Variants in HHIP observed in about 807,000 individuals in gnomAD.
HHIP encodes the protein hedgehog-interacting protein.
In HHIP, 12 loss-of-function variants were observed where a neutral mutation model predicts 74.0. The ratio of observed to expected loss-of-function variants is 0.16; its 90% CI spans 0.10 to 0.26. The LOEUF is 0.26. Among genes scored for constraint, HHIP ranks in the 10% least tolerant of loss-of-function variants. HHIP has a pLI of 1.00. For synonymous variants in HHIP, 309 were observed against 311.6 expected (o/e 0.99, Z 0.09); for missense variants, 788 against 845.0 (o/e 0.93, Z 0.84).
rs1271958621 is a variant in HHIP at position 144,740,215 on chromosome 4, A to T, written c.*2258A>T. The T allele has an allele frequency of 6.6e-6, 1 of 152,214 alleles. No individual in the cohort carries two copies. The highest frequency in any genetic ancestry group is 1.5e-5 in the Non-Finnish European group (1 of 68,038). The allele number at this position is 152,214 out of a possible 1,614,324, so 9.4% of individuals were successfully genotyped here. A position where few individuals can be genotyped will look rare whatever the true frequency, so the allele number is the denominator to read the frequency against. On this transcript the variant is annotated 3_prime_UTR_variant, in exon 13 of 13. Coordinates refer to ENST00000296575, the MANE Select transcript of HHIP (RefSeq NM_022475.3). The stretch of plus-strand genomic sequence containing the variant: ...GTAAAATCTAAAAAAATCAAGCATT[A>T]CTTCTTACATCTTTAAACTTTCCAT...
chr4:144,665,307 A>G (rs982903), intron 4 of HHIP, among the ~76,000 whole-genome samples: 66,530 of 152,002 alleles, frequency 0.44, 14,978 homozygotes, highest in South Asian at 0.56. Flanking sequence ...GGACTCAAGC[A>G]ATGCACCTGC....
chr4:144,724,854 T>C (rs1288545737), intron 11 of HHIP, among the ~76,000 whole-genome samples: 5 of 151,870 alleles, frequency 3.3e-5, no homozygotes, highest in East Asian at 1.9e-4. Context: ...TCTTTAGTAA[T>C]TGGATAGATT....
At chr4:144,721,174 C>T (rs533125160) in intron 11 of HHIP, among the ~76,000 whole-genome samples, 49 of 152,062 alleles carry the variant, frequency 3.2e-4, no homozygotes, top group African/African-American at 1.2e-3. Flanking sequence ...ATTTGTGGCC[C>T]AAGAAGAGAA....
At chr4:144,698,310 C>A (rs1432786404) in intron 4 of HHIP, among the ~76,000 whole-genome samples, 1 of 152,184 alleles carries the variant, frequency 6.6e-6, no homozygotes, top group Non-Finnish European at 1.5e-5. Context: ...TTTGAGTCAA[C>A]AACGGACCAC....
At chr4:144,677,686 C>T (rs749746128) in intron 4 of HHIP, among the ~76,000 whole-genome samples, 4 of 152,196 alleles carry the variant, frequency 2.6e-5, no homozygotes, top group Non-Finnish European at 5.9e-5. Flanking sequence ...AATAAGACCA[C>T]TCGGAGCCGG....
At chr4:144,693,846 T>C (rs1729743919) in intron 4 of HHIP, among the ~76,000 whole-genome samples, 1 of 151,924 alleles carries the variant, frequency 6.6e-6, no homozygotes, top group African/African-American at 2.4e-5. Context: ...GAAATATATA[T>C]TATTAGTTTT....
At chr4:144,696,054 G>C (rs1729809226) in intron 4 of HHIP, among the ~76,000 whole-genome samples, 1 of 149,730 alleles carries the variant, frequency 6.7e-6, no homozygotes, top group African/African-American at 2.5e-5. Context: ...TTATGTTATA[G>C]AACAACTGAA....
intron 2 of HHIP, 34 bp downstream of exon 2, chr4:144,652,831 A>G (rs1199641528): frequency 1.5e-6 from 2 of 1,345,944 alleles, no homozygotes; most frequent in Non-Finnish European, 2.1e-6. Context: ...AAAATAAACC[A>G]CTGCACAATA....
chr4:144,664,397 A>G (rs1728800837), intron 4 of HHIP, among the ~76,000 whole-genome samples: 1 of 152,194 alleles, frequency 6.6e-6, no homozygotes, highest in African/African-American at 2.4e-5. Flanking sequence ...TCACAAACAT[A>G]ATTATGAGTA....
At chr4:144,691,812 A>G (rs1470348713) in intron 4 of HHIP, among the ~76,000 whole-genome samples, 7 of 152,112 alleles carry the variant, frequency 4.6e-5, no homozygotes, top group African/African-American at 1.7e-4. Flanking sequence ...CTCTAAAGTC[A>G]CTTGTCACAC....
chr4:144,659,875 T>C (rs777089824), intron 4 of HHIP, 37 bp downstream of exon 4: 6 of 1,473,492 alleles, frequency 4.1e-6, no homozygotes, highest in Middle Eastern at 3.4e-4. Context: ...TTGTGCTGGC[T>C]ACGTTAATTT....
intron 4 of HHIP, among the ~76,000 whole-genome samples, chr4:144,700,684 C>T (rs1028327218): frequency 2.0e-5 from 3 of 152,058 alleles, no homozygotes; most frequent in African/African-American, 7.2e-5. Context: ...AGATGGCTTC[C>T]ATAATTGGAA....
Position 144,737,898 on chromosome 4 carries a change from C to A in HHIP, c.2044C>A (p.Leu682Ile), listed in dbSNP as rs753937179. Residue 682 changes from leucine (L) to isoleucine (I), a missense_variant, in exon 13 of 13, where the codon CTT (leucine) becomes ATT (isoleucine). Around this residue, in one of 3 missense-constraint regions of HHIP, gnomAD observed 343 missense variants for 347.9 expected, o/e 0.99. Coordinates refer to ENST00000296575, the MANE Select transcript of HHIP (RefSeq NM_022475.3). ...NIRRVTRAGI[L>I]DQIIDMTSYL... ...CCGCAGAGTGACCAGGGCAGGTATT[C>A]TTGATCAGATCATTGACATGACATC... 2.2e-5 allele frequency: 36 copies of A among 1,613,232 alleles called. No individual in the cohort carries two copies. In the Admixed American group the frequency reaches 5.7e-4, roughly 25 times the overall value.
chr4:144,657,993 T>C (rs1728597966), intron 2 of HHIP, among the ~76,000 whole-genome samples: 1 of 152,234 alleles, frequency 6.6e-6, no homozygotes, highest in Non-Finnish European at 1.5e-5. Flanking sequence ...TTAGATTTAT[T>C]ATTTAATCTT....
rs199626385 is a variant in HHIP at position 144,646,572 on chromosome 4, A to G, written c.-104A>G. On this transcript the variant is annotated 5_prime_UTR_variant, in exon 1 of 13. Transcript: ENST00000296575. Reference sequence around the variant, plus strand: ...CCTCCCTCTGTCTCTGGAGTGCCCTACAGCCCCGCAAACTCCTCCTGGAGC... The same window carrying G: ...CCTCCCTCTGTCTCTGGAGTGCCCTGCAGCCCCGCAAACTCCTCCTGGAGC... 2.6e-5 allele frequency: 31 copies of G among 1,202,844 alleles called. No individual in the cohort carries two copies. The highest frequency in any genetic ancestry group is 3.5e-5 in the Non-Finnish European group (30 of 849,190). The allele number at this position is 1,202,844 out of a possible 1,614,324, so 74.5% of individuals were successfully genotyped here.
At chr4:144,710,259 A>C (rs1013364973) in intron 7 of HHIP, among the ~76,000 whole-genome samples, 1 of 152,208 alleles carries the variant, frequency 6.6e-6, no homozygotes, top group Non-Finnish European at 1.5e-5. Context: ...GTAATAGAGG[A>C]AAATGTTCTC....
Position 144,708,797 on chromosome 4 carries a change from T to C in HHIP, c.1301+486T>C, listed in dbSNP as rs7664306. Among the ~76,000 whole-genome samples the C allele has an allele frequency of 9.5e-3, 1,441 of 152,320 alleles. 19 individuals carry two copies. The highest frequency in any genetic ancestry group is 0.033 in the African/African-American group (1,388 of 41,562). On this transcript the variant is annotated intron_variant, in intron 7 of 12. Coordinates refer to ENST00000296575, the MANE Select transcript of HHIP (RefSeq NM_022475.3). Reference sequence around the variant, plus strand: ...TGACTCCTGGTAGGTTTTAAATGAATTGCAATTCTTGTTATCATAGCTTCA... The same window carrying C: ...TGACTCCTGGTAGGTTTTAAATGAACTGCAATTCTTGTTATCATAGCTTCA...
chr4:144,673,452 A>C (rs1729096031), intron 4 of HHIP, among the ~76,000 whole-genome samples: 1 of 152,228 alleles, frequency 6.6e-6, no homozygotes, highest in African/African-American at 2.4e-5. Context: ...ACTCTACGCC[A>C]GTTGTAATTG....
Position 144,738,118 on chromosome 4 carries a change from T to C in HHIP, c.*161T>C, listed in dbSNP as rs563229746. 35 of 1,311,220 alleles carry C rather than the reference T, an allele frequency of 2.7e-5. No individual in the cohort carries two copies. Among genetic ancestry groups the C allele is most frequent in the Non-Finnish European group, 3.4e-5 (35 of 1,030,724 alleles). 81.2% of individuals were successfully genotyped at this position (1,311,220 alleles called of 1,614,324 possible). A position where few individuals can be genotyped will look rare whatever the true frequency, so the allele number is the denominator to read the frequency against. On this transcript the variant is annotated 3_prime_UTR_variant, in exon 13 of 13. Transcript: ENST00000296575. ...AATGTGCAGATCCTCTGTGTGTATG[T>C]CAGCATGTTTGTTCACATATGCACA...
Sources: allele counts gnomAD v4.1 joint callset (sites outside exome capture counted in the v4.1 genomes callset), GRCh38; gene constraint gnomAD v4.1.1; regional missense constraint gnomAD v4.1.1; transcripts MANE v1.5; gene names NCBI Gene and HGNC (gene_info 2026-07-23, HGNC 2026-07-21).